Variants in LDLRAD4 observed in about 807,000 individuals in gnomAD.
LDLRAD4 encodes the protein low density lipoprotein receptor class A domain containing 4, also known as low-density lipoprotein receptor class A domain-containing protein 4.
A neutral mutation model predicts 17.0 loss-of-function variants in LDLRAD4; 5 were observed. That is an observed-to-expected ratio of 0.29 (90% confidence interval 0.15 to 0.62). The LOEUF (loss-of-function observed/expected upper bound fraction) is 0.62. Among genes scored for constraint, LDLRAD4 ranks in the 20% least tolerant of loss-of-function variants. LDLRAD4 has a pLI of 0.84. For missense variants in LDLRAD4, 340 were observed against 424.7 expected (o/e 0.80, Z 1.75); for synonymous variants, 168 against 171.8 (o/e 0.98, Z 0.17).
intron 3 of LDLRAD4, among the ~76,000 whole-genome samples, chr18:13,588,917 TTTTTTTTC>T (rs1333593786): frequency 2.0e-5 from 3 of 150,790 alleles, no homozygotes; most frequent in Admixed American, 1.3e-4. Context: ...TCCTTTTCTT[TTTTTTTTC>T]TTTTTTTCTT....
At chr18:13,545,987 G>C (rs1035594666) in intron 3 of LDLRAD4, among the ~76,000 whole-genome samples, 2 of 152,200 alleles carry the variant, frequency 1.3e-5, no homozygotes, top group East Asian at 3.9e-4. Context: ...TCGGGATGCA[G>C]TGTTCATAAC....
At chr18:13,285,129 A>G (rs1203811455) in intron 1 of LDLRAD4, among the ~76,000 whole-genome samples, 1 of 152,250 alleles carries the variant, frequency 6.6e-6, no homozygotes, top group Non-Finnish European at 1.5e-5. Context: ...TCTCAAGTGC[A>G]GTACAGAAGC....
intron 1 of LDLRAD4, among the ~76,000 whole-genome samples, chr18:13,303,408 C>T (rs909934793): frequency 1.1e-4 from 17 of 152,096 alleles, no homozygotes; most frequent in African/African-American, 3.9e-4. Flanking sequence ...ACCATGCCAG[C>T]TAGTTTTTTT....
chr18:13,399,333 T>C (rs1568100152), intron 2 of LDLRAD4, among the ~76,000 whole-genome samples: 1 of 152,230 alleles, frequency 6.6e-6, no homozygotes, highest in Admixed American at 6.5e-5. Context: ...CTGTGTGGCA[T>C]ATGGTGAGCA....
At chr18:13,307,717 CCCCTAATTTTTTAAA>C (rs1382894740) in intron 1 of LDLRAD4, among the ~76,000 whole-genome samples, 1 of 152,124 alleles carries the variant, frequency 6.6e-6, no homozygotes, top group African/African-American at 2.4e-5. Flanking sequence ...CCATGCCTGG[CCCCTAATTTTTTAAA>C]TAACATTTTC....
At chr18:13,360,752 A>G (rs2083615425) in intron 1 of LDLRAD4, among the ~76,000 whole-genome samples, 1 of 152,232 alleles carries the variant, frequency 6.6e-6, no homozygotes, top group Admixed American at 6.5e-5. Flanking sequence ...CTCTTAAACA[A>G]GGCTTCTCCC....
chr18:13,225,059 C>T (rs2041703366), intron 1 of LDLRAD4, among the ~76,000 whole-genome samples: 2 of 151,634 alleles, frequency 1.3e-5, no homozygotes, highest in Admixed American at 6.6e-5. Context: ...TGGTTTCTCA[C>T]TCCTCACCTC....
chr18:13,582,954 G>A (rs2094884195), intron 3 of LDLRAD4, among the ~76,000 whole-genome samples: 1 of 152,160 alleles, frequency 6.6e-6, no homozygotes, highest in South Asian at 2.1e-4. Context: ...GGCCTCAAGT[G>A]ATCTTCCCAC....
At chr18:13,371,247 G>C (rs11875285) in intron 1 of LDLRAD4, among the ~76,000 whole-genome samples, 11,390 of 152,114 alleles carry the variant, frequency 0.075, 1,170 homozygotes, top group African/African-American at 0.23. Flanking sequence ...AGGCTGAGAT[G>C]GGGGGGCCAG....
chr18:13,274,741 A>ACAGT (rs1214754372), upstream of LDLRAD4, among the ~76,000 whole-genome samples: 1 of 152,254 alleles, frequency 6.6e-6, no homozygotes, highest in Non-Finnish European at 1.5e-5. Context: ...TGTTATTAAA[A>ACAGT]GTAGTCCCTT....
intron 3 of LDLRAD4, among the ~76,000 whole-genome samples, chr18:13,562,094 G>A (rs909659812): frequency 1.1e-4 from 16 of 152,198 alleles, no homozygotes; most frequent in South Asian, 2.1e-4. Flanking sequence ...GGCCCAAATC[G>A]TGGTCCTGAC....
chr18:13,315,262 G>A (rs1368488426), intron 1 of LDLRAD4, among the ~76,000 whole-genome samples: 1 of 152,194 alleles, frequency 6.6e-6, no homozygotes, highest in African/African-American at 2.4e-5. Flanking sequence ...CTCTCTGAAG[G>A]ATGATAACAT....
chr18:13,239,176 G>T (rs1416123105), intron 1 of LDLRAD4, among the ~76,000 whole-genome samples: 1 of 129,654 alleles, frequency 7.7e-6, no homozygotes, highest in Non-Finnish European at 1.6e-5. Context: ...CACAGAGCAA[G>T]ACTCTGTCTC....
chr18:13,510,044 T>C (rs954355177), intron 3 of LDLRAD4, among the ~76,000 whole-genome samples: 4 of 152,244 alleles, frequency 2.6e-5, no homozygotes, highest in African/African-American at 7.2e-5. Flanking sequence ...AGCCGAAATA[T>C]CTGTGTGACT....
chr18:13,460,066 T>C (rs2092356830), intron 3 of LDLRAD4: 1 of 154,118 alleles, frequency 6.5e-6, no homozygotes, highest in African/African-American at 2.4e-5. Context: ...TCACTGCAGT[T>C]TCTCCAGCTT....
intron 4 of LDLRAD4, chr18:13,642,034 C>T: frequency 4.1e-6 from 4 of 985,480 alleles, no homozygotes; most frequent in Non-Finnish European, 4.8e-6. Context: ...GGCGCCGGAC[C>T]CCCGCCCTCG....
chr18:13,432,166 C>T (rs952276089), intron 2 of LDLRAD4, among the ~76,000 whole-genome samples: 4 of 152,344 alleles, frequency 2.6e-5, no homozygotes, highest in African/African-American at 4.8e-5. Flanking sequence ...ATCATCCCCA[C>T]GGCATTCCCA....
Position 13,446,358 on chromosome 18 carries a change from C to G in LDLRAD4, c.181+7974C>G, listed in dbSNP as rs16940557. ...TAAGATAGGGATTTACTCATCAGTT[C>G]TTAAAAGGCTTGAAGGGCTTGGGTG... On this transcript the variant is annotated intron_variant, in intron 3 of 5. Transcript: ENST00000359446. Among the ~76,000 whole-genome samples, 664 of 152,254 alleles carry G rather than the reference C, an allele frequency of 4.4e-3. 5 individuals are homozygous for G. Among genetic ancestry groups the G allele is most frequent in the African/African-American group, 0.015 (632 of 41,550 alleles).
chr18:13,244,240 G>T (rs2042845071), intron 1 of LDLRAD4, among the ~76,000 whole-genome samples: 1 of 142,650 alleles, frequency 7.0e-6, no homozygotes. Flanking sequence ...TCTACCTCCT[G>T]TCCACTCACC....
Sources: allele counts gnomAD v4.1 joint callset (sites outside exome capture counted in the v4.1 genomes callset), GRCh38; gene constraint gnomAD v4.1.1; transcripts MANE v1.5; gene names NCBI Gene and HGNC (gene_info 2026-07-23, HGNC 2026-07-21).